HNRNPA0: variants seen among roughly 807,000 people sequenced by gnomAD.
HNRNPA0 encodes the protein hnRNA binding protein.
For missense variants in HNRNPA0, 252 were observed against 433.7 expected, an observed-to-expected ratio of 0.58 and a Z score of 3.72; for synonymous variants, 243 against 195.5, an observed-to-expected ratio of 1.24 and a Z score of -2.03.
At position 137,753,593 on chromosome 5, in the gene HNRNPA0, G is replaced by C. The variant is rs1277846736; in HGVS notation, c.474C>G (p.Val158=). Residue 158 remains valine, a synonymous_variant, in exon 1 of 1, where the codon GTC becomes GTG. Transcript: ENST00000314940. This position sits in a 1 kb window ranked among gnomAD's most constrained non-coding sequence, Gnocchi z 6.1. The stretch of plus-strand genomic sequence containing the variant: ...GATGGCCCTGAATCGGATGGAACTT[G>C]ACCACCGCGGCCTTGTCTGCCGCGT... The part of the protein sequence containing the change: ...NHDAADKAAV[V]KFHPIQGHRV... 1.9e-6 allele frequency: 3 copies of C among 1,614,132 alleles called. No individual in the cohort carries two copies. The highest frequency in any genetic ancestry group is 1.7e-5 in the Admixed American group (1 of 60,022).
rs1354765372 is a variant in HNRNPA0 at position 137,752,271 on chromosome 5, T to G, written c.*878A>C. Reference sequence around the variant, plus strand: ...TTTTAAACAGTTTATATGAATGACATGCTTAACACAAACTATATAGAACTA... The same window carrying G: ...TTTTAAACAGTTTATATGAATGACAGGCTTAACACAAACTATATAGAACTA... On this transcript the variant is annotated 3_prime_UTR_variant, in exon 1 of 1. Coordinates refer to ENST00000314940, the MANE Select transcript of HNRNPA0 (RefSeq NM_006805.4). 6.6e-6 allele frequency: 1 copy of G among 152,218 alleles called. No homozygotes were observed. Among genetic ancestry groups the G allele is most frequent in the Non-Finnish European group, 1.5e-5 (1 of 68,038 alleles). The allele number at this position is 152,218 out of a possible 1,614,324, so 9.4% of individuals were successfully genotyped here.
In HNRNPA0 at chr5:137,745,750, T is replaced by C. The variant is rs561337526; in HGVS notation, c.*7399A>G. The C allele has an allele frequency of 6.6e-6, 1 of 152,346 alleles. No homozygotes were observed. Among genetic ancestry groups the C allele is most frequent in the East Asian group, 1.9e-4 (1 of 5,188 alleles). 9.4% of individuals were successfully genotyped at this position (152,346 alleles called of 1,614,324 possible). ...TAAGCAGAATCTGGAGGAATCCATG[T>C]GCAGGCTTCTTTAGGATCTCTCCCT... On this transcript the variant is annotated 3_prime_UTR_variant, in exon 1 of 1. Transcript: ENST00000314940.
rs1180199366 is a variant in HNRNPA0 at position 137,747,683 on chromosome 5, C to T, written c.*5466G>A. ...AGCAAACTTGCCACTTTGAAACATC[C>T]CCCACTGCCATTTATGTTACTCAGT... On this transcript the variant is annotated 3_prime_UTR_variant, in exon 1 of 1. Transcript: ENST00000314940. 6.6e-6 allele frequency: 1 copy of T among 152,160 alleles called. No individual in the cohort carries two copies. The highest frequency in any genetic ancestry group is 2.4e-5 in the African/African-American group (1 of 41,442). The allele number at this position is 152,160 out of a possible 1,614,324, so 9.4% of individuals were successfully genotyped here.
In HNRNPA0 at chr5:137,754,003, C is replaced by T. The variant is rs566240432; in HGVS notation, c.64G>A (p.Gly22Ser). The T allele has an allele frequency of 6.2e-6, 10 of 1,613,980 alleles. No individual in the cohort carries two copies. Among genetic ancestry groups the T allele is most frequent in the Middle Eastern group, 1.6e-4 (1 of 6,082 alleles). The change falls in exon 1 of 1, where the codon GGC (glycine) becomes AGC (serine). Residue 22 changes from glycine to serine, a missense_variant. By Grantham distance (56) the Gly-to-Ser change is moderately conservative. Coordinates refer to ENST00000314940, the MANE Select transcript of HNRNPA0 (RefSeq NM_006805.4). ...AAGGCCTCAAAGTGGCCGCGCAGGC[C>T]CGACTCACTCGTCTGCACATTGAGG... ...GGLNVQTSES[G>S]LRGHFEAFGT... is the part of the protein sequence containing the mutation.
Position 137,752,944 on chromosome 5 carries a change from G to C in HNRNPA0, c.*205C>G. On this transcript the variant is annotated 3_prime_UTR_variant, in exon 1 of 1. Coordinates refer to ENST00000314940, the MANE Select transcript of HNRNPA0 (RefSeq NM_006805.4). Reference sequence around the variant, plus strand: ...AACACAAAAATGTGTATGTGGGGCCGAGTCCATCTTCAGAGGGAGAGACAA... The same window carrying C: ...AACACAAAAATGTGTATGTGGGGCCCAGTCCATCTTCAGAGGGAGAGACAA... The C allele has an allele frequency of 1.9e-6, 1 of 525,340 alleles. No homozygotes were observed. The highest frequency in any genetic ancestry group is 3.3e-6 in the Non-Finnish European group (1 of 299,028). 32.5% of individuals were successfully genotyped at this position (525,340 alleles called of 1,614,324 possible).
rs1472852563 is a variant in HNRNPA0, at chr5:137,753,650, A to C, written c.417T>G (p.Arg139=). The change falls in exon 1 of 1, where the codon CGT becomes CGG. Residue 139 remains arginine (R), a synonymous_variant. Transcript: ENST00000314940. The surrounding 1 kb of genome is among the most constrained non-coding windows in gnomAD (Gnocchi z 6.1). The part of the protein sequence containing the change: ...IIADKQSGKK[R]GFGFVYFQNH... ...TCTGGAAATACACGAAGCCGAATCC[A>C]CGCTTCTTGCCGGACTGCTTGTCGG... The C allele has an allele frequency of 4.3e-6, 7 of 1,614,024 alleles. No homozygotes were observed. The highest frequency in any genetic ancestry group is 5.9e-6 in the Non-Finnish European group (7 of 1,180,048).
In HNRNPA0 at chr5:137,752,976, T is replaced by A. The variant is rs1753531522; in HGVS notation, c.*173A>T. ...TCTTCAGAGGGAGAGACAAGAGAGG[T>A]GGCAGGCAAATAGAGGAACACCCCC... is the stretch of plus-strand genomic sequence containing the variant. On this transcript the variant is annotated 3_prime_UTR_variant, in exon 1 of 1. Transcript: ENST00000314940. 1.7e-6 allele frequency: 1 copy of A among 595,800 alleles called. No individual in the cohort carries two copies. The highest frequency in any genetic ancestry group is 2.7e-5 in the South Asian group (1 of 37,374). The allele number at this position is 595,800 out of a possible 1,614,324, so 36.9% of individuals were successfully genotyped here. A position where few individuals can be genotyped will look rare whatever the true frequency, so the allele number is the denominator to read the frequency against.
Position 137,751,787 on chromosome 5 carries a change from C to G in HNRNPA0, c.*1362G>C, listed in dbSNP as rs377598609. ...AACTTGCACCTAAAATACCAGTATACGTAGCTGGTTCATTAGTTGTCATAG... is the reference window on the plus strand; with the variant it reads ...AACTTGCACCTAAAATACCAGTATAGGTAGCTGGTTCATTAGTTGTCATAG... On this transcript the variant is annotated 3_prime_UTR_variant, in exon 1 of 1. Transcript: ENST00000314940. 1 of 152,602 alleles carries G rather than the reference C, an allele frequency of 6.6e-6. No homozygotes were observed. Among genetic ancestry groups the G allele is most frequent in the African/African-American group, 2.4e-5 (1 of 41,430 alleles). The allele number at this position is 152,602 out of a possible 1,614,324, so 9.5% of individuals were successfully genotyped here.
In HNRNPA0 at chr5:137,753,282, T is replaced by C. The variant is rs915878946; in HGVS notation, c.785A>G (p.Gln262Arg). The stretch of plus-strand genomic sequence containing the variant: ...GCTCTTCATGGGCCCATAGGAGGAC[T>C]GATGCTGGCTGTAGCTGCCGAAGCC... ...FGGFGSYSQHQSSYGPMKSGG... is the reference protein window; with the variant it reads ...FGGFGSYSQHRSSYGPMKSGG... Residue 262 changes from glutamine (Q) to arginine (R), a missense_variant, in exon 1 of 1, where the codon CAG becomes CGG. Physicochemically the swap from Gln to Arg is conservative, Grantham distance 43 (BLOSUM62 1). Coordinates refer to ENST00000314940, the MANE Select transcript of HNRNPA0 (RefSeq NM_006805.4). This position sits in a 1 kb window ranked among gnomAD's most constrained non-coding sequence, Gnocchi z 6.1. The C allele has an allele frequency of 1.9e-6, 3 of 1,592,936 alleles. No homozygotes were observed. Among genetic ancestry groups the C allele is most frequent in the African/African-American group, 1.4e-5 (1 of 72,440 alleles).
rs1753497510 is a variant in HNRNPA0 at position 137,751,513 on chromosome 5, CTA to C, written c.*1634_*1635del. The C allele has an allele frequency of 6.8e-6, 1 of 147,464 alleles. No individual in the cohort carries two copies. Among genetic ancestry groups the C allele is most frequent in the South Asian group, 2.2e-4 (1 of 4,462 alleles). 9.1% of individuals were successfully genotyped at this position (147,464 alleles called of 1,614,324 possible). A position where few individuals can be genotyped will look rare whatever the true frequency, so the allele number is the denominator to read the frequency against. Reference sequence around the variant, plus strand: ...AAATATTAACATCAAGTTAAGCATACTAGATTAAAAGGTACTCTGAACCCACC... The same window carrying C: ...AAATATTAACATCAAGTTAAGCATACGATTAAAAGGTACTCTGAACCCACC... On this transcript the variant is annotated 3_prime_UTR_variant, in exon 1 of 1. Coordinates refer to ENST00000314940, the MANE Select transcript of HNRNPA0 (RefSeq NM_006805.4).
chr5:137,752,885 T>G lies in HNRNPA0; in HGVS notation c.*264A>C. The G allele has an allele frequency of 2.7e-6, 1 of 371,868 alleles. No homozygotes were observed. The highest frequency in any genetic ancestry group is 4.8e-6 in the Non-Finnish European group (1 of 209,248). 23.0% of individuals were successfully genotyped at this position (371,868 alleles called of 1,614,324 possible). A position where few individuals can be genotyped will look rare whatever the true frequency, so the allele number is the denominator to read the frequency against. The stretch of plus-strand genomic sequence containing the variant: ...AGTATAAAAACGACCAAGGTCCAAG[T>G]AATAATAAAAAAATAGAGTCCATCA... On this transcript the variant is annotated 3_prime_UTR_variant, in exon 1 of 1. Transcript: ENST00000314940.
Position 137,754,197 on chromosome 5 carries a change from G to C in HNRNPA0, c.-131C>G. ...GGAGCCACCCCCGCCGCTCACCGACGGGGAAGGGAAAAAGGGAAGGGGAGG... is the reference window on the plus strand; with the variant it reads ...GGAGCCACCCCCGCCGCTCACCGACCGGGAAGGGAAAAAGGGAAGGGGAGG... On this transcript the variant is annotated 5_prime_UTR_variant, in exon 1 of 1. Transcript: ENST00000314940. 4 of 1,254,838 alleles carry C rather than the reference G, an allele frequency of 3.2e-6. No individual in the cohort carries two copies. Among genetic ancestry groups the C allele is most frequent in the African/African-American group, 1.5e-5 (1 of 66,062 alleles). The allele number at this position is 1,254,838 out of a possible 1,614,324, so 77.7% of individuals were successfully genotyped here. A position where few individuals can be genotyped will look rare whatever the true frequency, so the allele number is the denominator to read the frequency against.
Position 137,753,014 on chromosome 5 carries a change from C to T in HNRNPA0, c.*135G>A, listed in dbSNP as rs1753532911. Reference sequence around the variant, plus strand: ...GAGGAACACCCCCAAGGGTAAGCAGCCTTAGAAGTGGCTCCCCCAAGGGCA... The same window carrying T: ...GAGGAACACCCCCAAGGGTAAGCAGTCTTAGAAGTGGCTCCCCCAAGGGCA... On this transcript the variant is annotated 3_prime_UTR_variant, in exon 1 of 1. Transcript: ENST00000314940. The surrounding 1 kb of genome is among the most constrained non-coding windows in gnomAD (Gnocchi z 6.1). 2 of 896,992 alleles carry T rather than the reference C, an allele frequency of 2.2e-6. No individual in the cohort carries two copies. The highest frequency in any genetic ancestry group is 1.7e-6 in the Non-Finnish European group (1 of 597,392). The allele number at this position is 896,992 out of a possible 1,614,324, so 55.6% of individuals were successfully genotyped here.
chr5:137,754,304 G>A lies in HNRNPA0; in HGVS notation c.-238C>T, dbSNP rs1253494409. The A allele has an allele frequency of 7.7e-6, 4 of 518,624 alleles. No individual in the cohort carries two copies. The highest frequency in any genetic ancestry group is 6.5e-5 in the East Asian group (2 of 30,768). 32.1% of individuals were successfully genotyped at this position (518,624 alleles called of 1,614,324 possible). On this transcript the variant is annotated 5_prime_UTR_variant, in exon 1 of 1. Coordinates refer to ENST00000314940, the MANE Select transcript of HNRNPA0 (RefSeq NM_006805.4). ...GCCGAGGAGACTGGAAGACAACCAA[G>A]GCCACCGCTACCGCCGCCGCCGCCA...
In HNRNPA0 at chr5:137,751,292, CTTT is replaced by C. The variant is rs1056170049; in HGVS notation, c.*1854_*1856del. Reference sequence around the variant, plus strand: ...ATAATCTTAACCTTTCTTCTTACTTCTTTAAAAGCCCTGCCAATCAGGAAAAAA... The same window carrying C: ...ATAATCTTAACCTTTCTTCTTACTTCAAAAGCCCTGCCAATCAGGAAAAAA... On this transcript the variant is annotated 3_prime_UTR_variant, in exon 1 of 1. Coordinates refer to ENST00000314940, the MANE Select transcript of HNRNPA0 (RefSeq NM_006805.4). 1.9e-4 allele frequency: 26 copies of C among 138,418 alleles called. No individual in the cohort carries two copies. The highest frequency in any genetic ancestry group is 7.1e-4 in the African/African-American group (26 of 36,812). 8.6% of individuals were successfully genotyped at this position (138,418 alleles called of 1,614,324 possible).
rs1466026876 is a variant in HNRNPA0, at chr5:137,748,981, G to T, written c.*4168C>A. On this transcript the variant is annotated 3_prime_UTR_variant, in exon 1 of 1. Coordinates refer to ENST00000314940, the MANE Select transcript of HNRNPA0 (RefSeq NM_006805.4). ...AAGATGCATCATCTCAAAATAAATTGAATTCCCATTTCAAAATAAATTGAA... is the reference window on the plus strand; with the variant it reads ...AAGATGCATCATCTCAAAATAAATTTAATTCCCATTTCAAAATAAATTGAA... 3 of 152,098 alleles carry T rather than the reference G, an allele frequency of 2.0e-5. No individual in the cohort carries two copies. In the East Asian group the frequency reaches 5.8e-4, roughly 29 times the overall value. The allele number at this position is 152,098 out of a possible 1,614,324, so 9.4% of individuals were successfully genotyped here. A position where few individuals can be genotyped will look rare whatever the true frequency, so the allele number is the denominator to read the frequency against.
Position 137,753,454 on chromosome 5 carries a change from C to A in HNRNPA0, c.613G>T (p.Asp205Tyr), listed in dbSNP as rs1016710116. 6.4e-7 allele frequency: 1 copy of A among 1,558,754 alleles called. No homozygotes were observed. The highest frequency in any genetic ancestry group is 1.4e-5 in the African/African-American group (1 of 73,360). ...CCGCCCTTGGAAAGGCCGTTCTGGTCTCGACCACCGCCGCGCCCCCGGCCG... is the reference window on the plus strand; with the variant it reads ...CCGCCCTTGGAAAGGCCGTTCTGGTATCGACCACCGCCGCGCCCCCGGCCG... The part of the protein sequence containing the change: ...RGGRGRGGGR[D>Y]QNGLSKGGGG... Residue 205 changes from aspartate to tyrosine, a missense_variant, in exon 1 of 1, where the codon GAC becomes TAC. Transcript: ENST00000314940. The surrounding 1 kb of genome is among the most constrained non-coding windows in gnomAD (Gnocchi z 6.1).
At position 137,751,433 on chromosome 5, in the gene HNRNPA0, TTC is replaced by T. The variant is rs1318525587; in HGVS notation, c.*1714_*1715del. 2.0e-5 allele frequency: 3 copies of T among 150,530 alleles called. No individual in the cohort carries two copies. The highest frequency in any genetic ancestry group is 4.9e-5 in the African/African-American group (2 of 40,740). 9.3% of individuals were successfully genotyped at this position (150,530 alleles called of 1,614,324 possible). A position where few individuals can be genotyped will look rare whatever the true frequency, so the allele number is the denominator to read the frequency against. The stretch of plus-strand genomic sequence containing the variant: ...TTTAAAGCCCAATCTTTCAGAAAGC[TTC>T]TTAGTATAGCTTTGAGCCTTCAACG... On this transcript the variant is annotated 3_prime_UTR_variant, in exon 1 of 1. Transcript: ENST00000314940.
chr5:137,749,149 T>C lies in HNRNPA0; in HGVS notation c.*4000A>G, dbSNP rs1753455945. The C allele has an allele frequency of 6.6e-6, 1 of 152,182 alleles. No homozygotes were observed. Among genetic ancestry groups the C allele is most frequent in the Non-Finnish European group, 1.5e-5 (1 of 68,012 alleles). 9.4% of individuals were successfully genotyped at this position (152,182 alleles called of 1,614,324 possible). On this transcript the variant is annotated 3_prime_UTR_variant, in exon 1 of 1. Coordinates refer to ENST00000314940, the MANE Select transcript of HNRNPA0 (RefSeq NM_006805.4). ...TAAACACTGGGAAATAAGCACACTGTTTAAATGGCAAAAGTTTACACTTGA... is the reference window on the plus strand; with the variant it reads ...TAAACACTGGGAAATAAGCACACTGCTTAAATGGCAAAAGTTTACACTTGA...
Sources: gnomAD v4.1 joint callset for allele counts on GRCh38, gnomAD v4.1.1 for gene constraint, Gnocchi (gnomAD v3.1) non-coding constraint, MANE v1.5 for transcripts, NCBI Gene and HGNC (gene_info 2026-07-23, HGNC 2026-07-21) for gene names.